Variants in DNAH3 observed in about 807,000 individuals in gnomAD.
DNAH3 encodes the protein dynein axonemal heavy chain 3, also known as axonemal beta dynein heavy chain 3.
Under a neutral mutation model 432.5 loss-of-function variants are expected in DNAH3, and 332 were observed. That is an observed-to-expected ratio of 0.77 (90% CI 0.70 to 0.84). The LOEUF (loss-of-function observed/expected upper bound fraction) is 0.84. Among genes scored for constraint, DNAH3 ranks in the 40% least tolerant of loss-of-function variants. DNAH3 has a pLI of 0.00. For missense variants in DNAH3, 4,861 were observed against 5,114.0 expected (o/e 0.95, Z 1.51); for synonymous variants, 1,956 against 1,900.2 (o/e 1.03, Z -0.76).
At chr16:20,987,778 G>C in exon 46 of DNAH3, 1 of 1,614,094 alleles carries the variant, frequency 6.2e-7, no homozygotes, top group Non-Finnish European at 8.5e-7. Flanking sequence ...TGACTTCGAG[G>C]GAGTTGGCAA....
Position 20,979,398 on chromosome 16 carries a change from G to A in DNAH3, c.8008C>T (p.Gln2670Ter). Residue 2670 changes from glutamine to a stop codon, truncating the protein, a stop_gained, in exon 50 of 62, where the codon CAA becomes TAA. Coordinates refer to ENST00000261383, the Ensembl canonical transcript of DNAH3. LOFTEE classifies it high-confidence loss of function. ...CGGTTCCTCATCATAGCCACCTCTT[G>A]CCTCTTGCTATTCAGGAGCGTCTTG... 6.2e-7 allele frequency: 1 copy of A among 1,614,140 alleles called. No homozygotes were observed.
chr16:21,137,514 C>T (rs2092660516), intron 5 of DNAH3, among the ~76,000 whole-genome samples: 1 of 151,816 alleles, frequency 6.6e-6, no homozygotes, highest in Non-Finnish European at 1.5e-5. Flanking sequence ...CCTCTGCCTC[C>T]CGGGTTCAAG....
intron 20 of DNAH3, among the ~76,000 whole-genome samples, chr16:21,081,021 G>A (rs898387593): frequency 6.6e-6 from 1 of 152,024 alleles, no homozygotes; most frequent in African/African-American, 2.4e-5. Context: ...GGGTTCGAGC[G>A]ATCCTCTGGC....
intron 18 of DNAH3, among the ~76,000 whole-genome samples, chr16:21,090,838 G>A (rs888950697): frequency 2.0e-5 from 3 of 152,122 alleles, no homozygotes; most frequent in African/African-American, 7.2e-5. Flanking sequence ...TGTAGTGCAT[G>A]GTGACTGCAG....
At chr16:20,983,481 G>C (rs2086017362) in intron 48 of DNAH3, among the ~76,000 whole-genome samples, 1 of 152,050 alleles carries the variant, frequency 6.6e-6, no homozygotes, top group Non-Finnish European at 1.5e-5. Flanking sequence ...GCATCCTTCG[G>C]GTCACGTAGC....
chr16:21,065,076 T>A (rs2090497105), intron 24 of DNAH3, among the ~76,000 whole-genome samples: 1 of 152,048 alleles, frequency 6.6e-6, no homozygotes, highest in Admixed American at 6.6e-5. Flanking sequence ...CCCATAAGAG[T>A]ATTACAAAGA....
At chr16:20,946,490 C>CG (rs1567506078) in intron 57 of DNAH3, among the ~76,000 whole-genome samples, 1 of 152,158 alleles carries the variant, frequency 6.6e-6, no homozygotes, top group African/African-American at 2.4e-5. Flanking sequence ...GGCTGTGTCA[C>CG]GGGCCATGGT....
intron 37 of DNAH3, among the ~76,000 whole-genome samples, chr16:21,027,856 T>C (rs887546285): frequency 6.6e-6 from 1 of 152,248 alleles, no homozygotes; most frequent in African/African-American, 2.4e-5. Flanking sequence ...ATATTTAACA[T>C]AGAACTTAAC....
exon 29 of DNAH3, chr16:21,051,787 T>C: frequency 2.5e-6 from 4 of 1,614,042 alleles, no homozygotes; most frequent in South Asian, 1.1e-5. Context: ...GGCCACCCAG[T>C]AGTAGCGCAG....
exon 17 of DNAH3, chr16:21,098,716 A>C (rs758157582): frequency 6.2e-7 from 1 of 1,613,862 alleles, no homozygotes. Context: ...GCGCTTCCTA[A>C]AACTTTCCAG....
At chr16:21,005,331 CCTT>C (rs1343135498) in intron 41 of DNAH3, among the ~76,000 whole-genome samples, 2 of 138,456 alleles carry the variant, frequency 1.4e-5, no homozygotes, top group African/African-American at 5.2e-5. Context: ...TCCCTTCCTT[CCTT>C]CTTTCCTTCC....
At chr16:21,111,702 G>C in exon 14 of DNAH3, 1 of 1,614,050 alleles carries the variant, frequency 6.2e-7, no homozygotes, top group Non-Finnish European at 8.5e-7. Flanking sequence ...CGCTCACAGA[G>C]ATCATGATTT....
intron 52 of DNAH3, 146 bp downstream of exon 52, chr16:20,969,646 C>A: frequency 1.1e-6 from 1 of 925,400 alleles, no homozygotes; most frequent in Non-Finnish European, 1.7e-6. Context: ...TGGGTGCACA[C>A]ACACAGCCTG....
At chr16:21,081,372 A>C (rs1195377799) in intron 20 of DNAH3, among the ~76,000 whole-genome samples, 1 of 131,398 alleles carries the variant, frequency 7.6e-6, no homozygotes, top group Non-Finnish European at 1.6e-5. Context: ...GCTCAGGTTC[A>C]AAGAACATTA....
intron 52 of DNAH3, among the ~76,000 whole-genome samples, chr16:20,969,413 T>C (rs1254268147): frequency 6.6e-6 from 1 of 152,106 alleles, no homozygotes; most frequent in South Asian, 2.1e-4. Flanking sequence ...TTTCCCTAAC[T>C]CTCTTTCTCT....
At chr16:20,990,187 C>T (rs553628476) in intron 44 of DNAH3, among the ~76,000 whole-genome samples, 26 of 152,232 alleles carry the variant, frequency 1.7e-4, no homozygotes, top group African/African-American at 5.5e-4. Context: ...GAGGACTTGC[C>T]AGCACGCTGT....
At chr16:21,070,271 T>C (rs568929502) in intron 22 of DNAH3, among the ~76,000 whole-genome samples, 1 of 152,320 alleles carries the variant, frequency 6.6e-6, no homozygotes, top group South Asian at 2.1e-4. Flanking sequence ...CCTTGTGTCA[T>C]TAATTAATTA....
chr16:21,084,817 G>T (rs926382365), intron 19 of DNAH3, among the ~76,000 whole-genome samples: 1 of 152,096 alleles, frequency 6.6e-6, no homozygotes, highest in African/African-American at 2.4e-5. Flanking sequence ...TAGCATCATA[G>T]AGGAAGCACC....
chr16:21,072,802 C>T (rs2090837520), intron 21 of DNAH3, among the ~76,000 whole-genome samples: 1 of 148,764 alleles, frequency 6.7e-6, no homozygotes, highest in Non-Finnish European at 1.5e-5. Flanking sequence ...GTGCACATCA[C>T]CATACTCAGC....
Sources: gnomAD v4.1 joint callset for allele counts (sites outside exome capture counted in the v4.1 genomes callset) on GRCh38, gnomAD v4.1.1 for gene constraint, MANE v1.5 for transcripts, NCBI Gene and HGNC (gene_info 2026-07-23, HGNC 2026-07-21) for gene names.